Variants in HIBADH observed in about 807,000 individuals in gnomAD.
HIBADH encodes the protein 3-hydroxyisobutyrate dehydrogenase, mitochondrial.
In HIBADH, 25 loss-of-function variants were observed where a neutral mutation model predicts 36.1. The observed-to-expected ratio is 0.69, with a 90% CI of 0.50 to 0.97. The LOEUF (loss-of-function observed/expected upper bound fraction) is 0.97, where lower values mean the gene tolerates loss of function less well. Among genes scored for constraint, HIBADH ranks in the 50% least tolerant of loss-of-function variants. The pLI, the probability that HIBADH is intolerant of heterozygous loss-of-function variation, is 0.00. For missense variants in HIBADH, 421 were observed against 418.0 expected (o/e 1.01, Z -0.06); for synonymous variants, 160 against 149.5 (o/e 1.07, Z -0.51).
At chr7:27,645,756 T>C (rs1786057791) in intron 2 of HIBADH, among the ~76,000 whole-genome samples, 2 of 152,162 alleles carry the variant, frequency 1.3e-5, no homozygotes, top group Admixed American at 6.5e-5. Context: ...TTCATATATC[T>C]TCCTGGGAGA....
At chr7:27,650,191 A>C (rs1450543078) in intron 1 of HIBADH, among the ~76,000 whole-genome samples, 1 of 151,756 alleles carries the variant, frequency 6.6e-6, no homozygotes, top group Admixed American at 6.6e-5. Context: ...GTATTCAAAA[A>C]GACGTAAGTC....
intron 4 of HIBADH, among the ~76,000 whole-genome samples, chr7:27,551,176 G>A (rs1367433591): frequency 2.0e-5 from 3 of 151,978 alleles, no homozygotes; most frequent in African/African-American, 7.3e-5. Context: ...TGTGGTAATG[G>A]CATTTTCACT....
intron 4 of HIBADH, among the ~76,000 whole-genome samples, chr7:27,587,994 A>G (rs1784888609): frequency 1.3e-5 from 2 of 152,270 alleles, no homozygotes; most frequent in Admixed American, 6.5e-5. Context: ...GAATCATGCA[A>G]TGATACAAAT....
At chr7:27,582,235 A>C (rs1262193136) in intron 4 of HIBADH, among the ~76,000 whole-genome samples, 2 of 151,936 alleles carry the variant, frequency 1.3e-5, no homozygotes, top group Non-Finnish European at 2.9e-5. Context: ...GTTTTTCTTC[A>C]CTCATTTGGC....
At chr7:27,618,651 G>A (rs1005501222) in intron 4 of HIBADH, among the ~76,000 whole-genome samples, 2 of 151,944 alleles carry the variant, frequency 1.3e-5, no homozygotes, top group African/African-American at 2.4e-5. Flanking sequence ...GGCTGTTCTT[G>A]CATTGCTATA....
At chr7:27,551,413 T>C (rs1029095518) in intron 4 of HIBADH, among the ~76,000 whole-genome samples, 9 of 152,246 alleles carry the variant, frequency 5.9e-5, no homozygotes, top group African/African-American at 2.2e-4. Flanking sequence ...AAACAATACA[T>C]TGGAAAGGTA....
intron 4 of HIBADH, among the ~76,000 whole-genome samples, chr7:27,617,842 C>T (rs777277283): frequency 1.3e-5 from 2 of 152,210 alleles, no homozygotes; most frequent in Non-Finnish European, 2.9e-5. Context: ...ACAGGAAACT[C>T]ATCCTGGGTC....
chr7:27,600,347 G>C (rs2128290192), intron 4 of HIBADH, among the ~76,000 whole-genome samples: 1 of 151,920 alleles, frequency 6.6e-6, no homozygotes, highest in African/African-American at 2.4e-5. Flanking sequence ...CATCATTGAA[G>C]TCAGGCAAAG....
chr7:27,633,076 C>T (rs10486548), intron 2 of HIBADH, among the ~76,000 whole-genome samples: 120,522 of 152,188 alleles, frequency 0.79, 48,102 homozygotes, highest in East Asian at 0.97. Flanking sequence ...CCGAAACTTA[C>T]GTGGAAACTA....
At chr7:27,659,588 G>A (rs1399765824) in intron 1 of HIBADH, among the ~76,000 whole-genome samples, 4 of 151,990 alleles carry the variant, frequency 2.6e-5, no homozygotes, top group Non-Finnish European at 4.4e-5. Context: ...CAGGTGTGGT[G>A]GTGTGCACCT....
At chr7:27,530,076 A>G (rs1310694399) in intron 7 of HIBADH, among the ~76,000 whole-genome samples, 2 of 152,246 alleles carry the variant, frequency 1.3e-5, no homozygotes, top group Non-Finnish European at 2.9e-5. Flanking sequence ...ACTATGGCAT[A>G]GTATAAACGT....
intron 4 of HIBADH, among the ~76,000 whole-genome samples, chr7:27,565,326 T>A (rs1179782531): frequency 1.3e-5 from 2 of 152,180 alleles, no homozygotes; most frequent in African/African-American, 2.4e-5. Flanking sequence ...CCCTGATGCA[T>A]CCCCATATGG....
chr7:27,608,634 A>G (rs1272882554), intron 4 of HIBADH, among the ~76,000 whole-genome samples: 2 of 152,226 alleles, frequency 1.3e-5, no homozygotes, highest in African/African-American at 2.4e-5. Flanking sequence ...GATCACAAAC[A>G]AAACAAAATG....
At chr7:27,576,804 G>A (rs1362463052) in intron 4 of HIBADH, among the ~76,000 whole-genome samples, 2 of 152,114 alleles carry the variant, frequency 1.3e-5, no homozygotes, top group African/African-American at 2.4e-5. Context: ...TTGTGAAACC[G>A]TGGGGCTGGG....
At chr7:27,551,623 T>A (rs1396718273) in intron 4 of HIBADH, among the ~76,000 whole-genome samples, 2 of 151,916 alleles carry the variant, frequency 1.3e-5, no homozygotes, top group African/African-American at 4.8e-5. Flanking sequence ...ACTCCCAAGT[T>A]ACAAATAAGG....
chr7:27,564,363 T>G lies in HIBADH; in HGVS notation c.485-21263A>C, dbSNP rs141030428. Among the ~76,000 whole-genome samples, 422 of 152,356 alleles carry G rather than the reference T, an allele frequency of 2.8e-3. 3 individuals are homozygous for G. Among genetic ancestry groups the G allele is most frequent in the African/African-American group, 9.4e-3 (389 of 41,580 alleles). On this transcript the variant is annotated intron_variant, in intron 4 of 7. Coordinates refer to ENST00000265395, the MANE Select transcript of HIBADH (RefSeq NM_152740.4). ...TTTGAGTTATTTTTTATATAAGATG[T>G]GAGCTATAGATCAACAACCTTTTTT...
chr7:27,599,580 G>A (rs1363688627), intron 4 of HIBADH, among the ~76,000 whole-genome samples: 1 of 150,038 alleles, frequency 6.7e-6, no homozygotes, highest in Non-Finnish European at 1.5e-5. Context: ...TACTGGGGAG[G>A]CTGAGGCAGG....
intron 4 of HIBADH, among the ~76,000 whole-genome samples, chr7:27,576,718 T>TACA (rs1784716041): frequency 6.6e-6 from 1 of 152,186 alleles, no homozygotes; most frequent in Non-Finnish European, 1.5e-5. Flanking sequence ...TTCTGGCAAA[T>TACA]ACAAAATGCC....
At chr7:27,591,838 T>G (rs750189803) in intron 4 of HIBADH, among the ~76,000 whole-genome samples, 2 of 152,244 alleles carry the variant, frequency 1.3e-5, no homozygotes, top group African/African-American at 2.4e-5. Flanking sequence ...TGTTAATTTC[T>G]CATGCTAGCC....
Sources: allele counts gnomAD v4.1 joint callset (sites outside exome capture counted in the v4.1 genomes callset), GRCh38; gene constraint gnomAD v4.1.1; transcripts MANE v1.5; gene names NCBI Gene and HGNC (gene_info 2026-07-23, HGNC 2026-07-21).